The following GPC5 variants were observed in gnomAD, a reference collection of about 807,000 sequenced individuals.
GPC5 encodes glypican-5.
GPC5 carries 47 observed loss-of-function variants against 53.9 expected under a neutral mutation model. That is an observed-to-expected ratio of 0.87 (90% CI 0.69 to 1.11). The LOEUF (loss-of-function observed/expected upper bound fraction) is 1.11, where lower values mean the gene tolerates loss of function less well. Among genes scored for constraint, GPC5 ranks in the 50% most tolerant of loss-of-function variants. The pLI, the probability that GPC5 is intolerant of heterozygous loss-of-function variation, is 0.00. For synonymous variants in GPC5, 286 were observed against 263.3 expected (o/e 1.09, Z -0.84); for missense variants, 748 against 713.1 (o/e 1.05, Z -0.56).
chr13:92,740,329 C>T (rs1889050388), intron 7 of GPC5, among the ~76,000 whole-genome samples: 1 of 152,056 alleles, frequency 6.6e-6, no homozygotes, highest in Admixed American at 6.6e-5. Flanking sequence ...TTCTCAGCAA[C>T]ATTTATCAAT....
chr13:92,682,772 T>C (rs1887148226), intron 7 of GPC5, among the ~76,000 whole-genome samples: 1 of 152,226 alleles, frequency 6.6e-6, no homozygotes, highest in Non-Finnish European at 1.5e-5. Context: ...AAATAGTTTC[T>C]ATTTCAAGAA....
At chr13:91,688,936 A>G (rs1259619443) in intron 2 of GPC5, among the ~76,000 whole-genome samples, 2 of 151,762 alleles carry the variant, frequency 1.3e-5, no homozygotes, top group East Asian at 3.9e-4. Context: ...GAAGGAGCAG[A>G]TACCTTGAGG....
intron 7 of GPC5, among the ~76,000 whole-genome samples, chr13:92,543,291 G>T (rs889387621): frequency 6.6e-6 from 1 of 151,980 alleles, no homozygotes. Flanking sequence ...TTTTATTCAT[G>T]AAATTCTTCA....
At chr13:92,653,005 G>T (rs2139169209) in intron 7 of GPC5, among the ~76,000 whole-genome samples, 1 of 152,260 alleles carries the variant, frequency 6.6e-6, no homozygotes, top group East Asian at 1.9e-4. Context: ...GTTTGTATGG[G>T]TGTGTGTATA....
At chr13:92,029,573 G>C (rs1053033464) in intron 6 of GPC5, among the ~76,000 whole-genome samples, 1 of 152,274 alleles carries the variant, frequency 6.6e-6, no homozygotes, top group South Asian at 2.1e-4. Context: ...AGTGTTTCCA[G>C]CTTTTGATGG....
intron 5 of GPC5, among the ~76,000 whole-genome samples, chr13:91,857,856 T>C (rs2038983757): frequency 6.6e-6 from 1 of 151,542 alleles, no homozygotes; most frequent in African/African-American, 2.4e-5. Flanking sequence ...GTCAATAGAA[T>C]TTTCTACATC....
At chr13:91,643,804 A>G (rs2034492268) in intron 2 of GPC5, among the ~76,000 whole-genome samples, 1 of 152,048 alleles carries the variant, frequency 6.6e-6, no homozygotes, top group Non-Finnish European at 1.5e-5. Context: ...CCTTGTTTTT[A>G]AGGGCACCAG....
intron 7 of GPC5, among the ~76,000 whole-genome samples, chr13:92,698,033 A>G (rs532197110): frequency 6.6e-6 from 1 of 152,290 alleles, no homozygotes; most frequent in East Asian, 1.9e-4. Flanking sequence ...CCAGTCTTGC[A>G]TCCCAGGGAC....
At chr13:91,415,607 T>C (rs1339914421) in intron 1 of GPC5, among the ~76,000 whole-genome samples, 1 of 152,186 alleles carries the variant, frequency 6.6e-6, no homozygotes, top group Non-Finnish European at 1.5e-5. Flanking sequence ...CCCCCATTCT[T>C]GTCTGACCAA....
At chr13:91,946,473 CA>C (rs374103154) in intron 6 of GPC5, among the ~76,000 whole-genome samples, 3,220 of 151,612 alleles carry the variant, frequency 0.021, 99 homozygotes, top group African/African-American at 0.074. Context: ...AACGCAATTT[CA>C]AAAAAAACGA....
chr13:91,609,194 T>C (rs2033470557), intron 2 of GPC5, among the ~76,000 whole-genome samples: 1 of 150,876 alleles, frequency 6.6e-6, no homozygotes, highest in African/African-American at 2.4e-5. Flanking sequence ...ACAGGCCATG[T>C]AATTCTGAAT....
intron 7 of GPC5, among the ~76,000 whole-genome samples, chr13:92,762,425 G>T (rs1418420819): frequency 6.6e-6 from 1 of 152,002 alleles, no homozygotes; most frequent in African/African-American, 2.4e-5. Context: ...TAAAGAAAAA[G>T]GAATAAAAAT....
chr13:92,391,465 C>T (rs1200199557), intron 7 of GPC5, among the ~76,000 whole-genome samples: 1 of 152,040 alleles, frequency 6.6e-6, no homozygotes, highest in Non-Finnish European at 1.5e-5. Context: ...TAAGACCTAA[C>T]CTTTTGTATT....
rs142280886 is a variant in GPC5 at position 91,631,570 on chromosome 13, G to A, written c.326-61617G>A. Among the ~76,000 whole-genome samples, 780 of 152,144 alleles carry A rather than the reference G, an allele frequency of 5.1e-3. 9 individuals carry two copies. Among genetic ancestry groups the A allele is most frequent in the African/African-American group, 0.018 (756 of 41,522 alleles). ...ATCTCAAGGTAGCTGAGCACTGCGTGTGCCACAGAGCCCCACTGTGAGCTG... is the reference window on the plus strand; with the variant it reads ...ATCTCAAGGTAGCTGAGCACTGCGTATGCCACAGAGCCCCACTGTGAGCTG... On this transcript the variant is annotated intron_variant, in intron 2 of 7. Transcript: ENST00000377067.
At chr13:92,474,882 A>G (rs943847245) in intron 7 of GPC5, among the ~76,000 whole-genome samples, 1 of 152,074 alleles carries the variant, frequency 6.6e-6, no homozygotes, top group Non-Finnish European at 1.5e-5. Flanking sequence ...ATTCAGAAAA[A>G]TATCTGCTGA....
chr13:92,011,930 A>G (rs2138775892), intron 6 of GPC5, among the ~76,000 whole-genome samples: 1 of 152,332 alleles, frequency 6.6e-6, no homozygotes, highest in South Asian at 2.1e-4. Context: ...AGTCAGACTT[A>G]CAGAAAAGAG....
intron 2 of GPC5, among the ~76,000 whole-genome samples, chr13:91,530,592 T>C (rs764587711): frequency 1.8e-4 from 27 of 152,222 alleles, no homozygotes; most frequent in Non-Finnish European, 3.2e-4. Flanking sequence ...ACTCCTGCAG[T>C]AAAGAGCCAG....
rs1460693939 is a variant in GPC5, at chr13:92,270,471, G to T, written c.1561+125482G>T. Reference sequence around the variant, plus strand: ...TGGCTCCCCCTTCACTTTCTGCCGTGATTGTAAGTTTGTGGAGGTCTCCTC... The same window carrying T: ...TGGCTCCCCCTTCACTTTCTGCCGTTATTGTAAGTTTGTGGAGGTCTCCTC... On this transcript the variant is annotated intron_variant, in intron 7 of 7. Transcript: ENST00000377067. 2.0e-5 allele frequency among the ~76,000 whole-genome samples: 3 copies of T among 152,126 alleles called. No individual in the cohort carries two copies. In the East Asian group the frequency reaches 5.8e-4, roughly 29 times the overall value.
chr13:92,262,937 C>T (rs187638572), intron 7 of GPC5, among the ~76,000 whole-genome samples: 4 of 152,112 alleles, frequency 2.6e-5, no homozygotes, highest in East Asian at 1.9e-4. Context: ...CTTTTTATCC[C>T]GGTATTACTC....
Sources: allele counts gnomAD v4.1 joint callset (sites outside exome capture counted in the v4.1 genomes callset), GRCh38; gene constraint gnomAD v4.1.1; transcripts MANE v1.5; gene names NCBI Gene and HGNC (gene_info 2026-07-23, HGNC 2026-07-21).